C6: variants seen among roughly 807,000 people sequenced by gnomAD.
C6 encodes the protein complement C6.
In C6, 101 loss-of-function variants were observed where a neutral mutation model predicts 112.9. The ratio of observed to expected loss-of-function variants is 0.89; its 90% CI spans 0.76 to 1.06. C6 has a LOEUF of 1.06. C6 is among the 50% of genes least tolerant of loss of function. The pLI is 0.00. For synonymous variants in C6, 431 were observed against 384.1 expected, an observed-to-expected ratio of 1.12 and a Z score of -1.43; for missense variants, 1,202 against 1,104.6, an observed-to-expected ratio of 1.09 and a Z score of -1.25.
intron 6 of C6, among the ~76,000 whole-genome samples, chr5:41,184,006 C>T (rs1360602927): frequency 1.3e-5 from 2 of 151,838 alleles, no homozygotes; most frequent in Admixed American, 6.6e-5. Context: ...GGGCAAGAGT[C>T]GAAAAACTGT....
chr5:41,161,944 AGAAGG>A (rs1021829592), intron 9 of C6, 85 bp from the exon 10 acceptor site: 67 of 1,318,358 alleles, frequency 5.1e-5, no homozygotes, highest in Non-Finnish European at 6.8e-5. Context: ...CTATTTGTAC[AGAAGG>A]GAGAAGTAGA....
Position 41,159,022 on chromosome 5 carries a change from T to C in C6, c.1856+60A>G, listed in dbSNP as rs1747205773. On this transcript the variant is annotated intron_variant, in intron 12 of 17. Coordinates refer to ENST00000337836, the MANE Select transcript of C6 (RefSeq NM_000065.5). Reference sequence around the variant, plus strand: ...GCAGTAGACTAATAACCATTTGAACTCTCAATGTTATTGAGAGTTAGGGCA... The same window carrying C: ...GCAGTAGACTAATAACCATTTGAACCCTCAATGTTATTGAGAGTTAGGGCA... The C allele has an allele frequency of 4.5e-6, 7 of 1,560,302 alleles. No homozygotes were observed. The East Asian group carries it at 1.1e-4, about 25-fold the overall frequency.
chr5:41,228,957 C>T lies in C6; in HGVS notation c.-20-25707G>A, dbSNP rs76118377. Among the ~76,000 whole-genome samples the T allele has an allele frequency of 1.6e-3, 238 of 152,156 alleles. 14 individuals are homozygous for T. In the East Asian group the frequency reaches 0.044, roughly 28 times the overall value. On this transcript the variant is annotated intron_variant, in intron 1 of 17. Coordinates refer to the C6 transcript ENST00000263413. ...GTCTTTGTCTGATTTTGCACTTAGG[C>T]TAATGCTTACATTGTAGAATGAGTC...
chr5:41,231,644 T>G (rs1040045596), intron 1 of C6, among the ~76,000 whole-genome samples: 3 of 152,142 alleles, frequency 2.0e-5, no homozygotes, highest in Non-Finnish European at 2.9e-5. Context: ...TCTGATCCTC[T>G]GGTAAAATTC....
intron 1 of C6, among the ~76,000 whole-genome samples, chr5:41,221,181 T>A (rs1739145145): frequency 6.6e-6 from 1 of 152,134 alleles, no homozygotes; most frequent in African/African-American, 2.4e-5. Context: ...TTCATCTCCA[T>A]ATTTCATAGT....
At chr5:41,190,986 G>T (rs1750150272) in intron 5 of C6, among the ~76,000 whole-genome samples, 1 of 150,678 alleles carries the variant, frequency 6.6e-6, no homozygotes, top group African/African-American at 2.4e-5. Flanking sequence ...CCAATAGTGT[G>T]CTGCTTGGGT....
At chr5:41,159,327 G>T (rs1485099711) in intron 11 of C6, 74 bp from the exon 12 acceptor site, 49 of 1,550,260 alleles carry the variant, frequency 3.2e-5, no homozygotes, top group Non-Finnish European at 4.0e-5. Context: ...GGCCAACCTG[G>T]TTTCCTCACT....
chr5:41,144,017 A>G (rs984369481), intron 17 of C6, among the ~76,000 whole-genome samples: 2 of 152,222 alleles, frequency 1.3e-5, no homozygotes, highest in African/African-American at 4.8e-5. Context: ...AAAGTCTTCC[A>G]CTGTTTGGCC....
intron 17 of C6, among the ~76,000 whole-genome samples, chr5:41,143,295 G>A (rs538595146): frequency 9.2e-5 from 14 of 152,234 alleles, no homozygotes; most frequent in African/African-American, 2.9e-4. Flanking sequence ...AGCTTAAAGA[G>A]TTGGCCTATT....
Position 41,203,207 on chromosome 5 carries a change from G to T in C6, c.24C>A (p.Tyr8Ter), listed in dbSNP as rs1248287414. The change falls in exon 2 of 18, where the codon TAC (tyrosine) becomes TAA (stop). Residue 8 changes from tyrosine (Y) to a stop codon, truncating the protein, a stop_gained. Transcript: ENST00000337836. LOFTEE classifies it high-confidence loss of function. Reference protein sequence around the residue: MARRSVLYFILLNALINK... With the variant: MARRSVL ...TGATCAGAGCATTCAGCAGGATGAA[G>T]TACAAGACAGAGCGTCTGGCCATGC... The T allele has an allele frequency of 6.2e-7, 1 of 1,614,020 alleles. No individual in the cohort carries two copies. The highest frequency in any genetic ancestry group is 8.5e-7 in the Non-Finnish European group (1 of 1,179,986).
intron 1 of C6, among the ~76,000 whole-genome samples, chr5:41,245,657 T>G (rs1740979182): frequency 6.6e-6 from 1 of 152,240 alleles, no homozygotes; most frequent in South Asian, 2.1e-4. Context: ...TTGAGTTCTA[T>G]CAAATGCTTT....
intron 9 of C6, 58 bp downstream of exon 9, chr5:41,172,167 T>C (rs1748472784): frequency 4.4e-6 from 7 of 1,584,410 alleles, no homozygotes; most frequent in Non-Finnish European, 6.1e-6. Flanking sequence ...ATATGGTCTG[T>C]AAATGACAGC....
chr5:41,148,158 G>T (rs1320564775), intron 17 of C6, among the ~76,000 whole-genome samples: 1 of 152,060 alleles, frequency 6.6e-6, no homozygotes, highest in South Asian at 2.1e-4. Context: ...ATAGATTTAG[G>T]TATGATGGCA....
At chr5:41,188,284 C>A (rs1749939164) in intron 5 of C6, among the ~76,000 whole-genome samples, 1 of 151,886 alleles carries the variant, frequency 6.6e-6, no homozygotes, top group South Asian at 2.1e-4. Context: ...CAAGACAATT[C>A]TAAAATTCAA....
intron 1 of C6, among the ~76,000 whole-genome samples, chr5:41,254,732 A>T (rs1422108587): frequency 6.6e-6 from 1 of 152,252 alleles, no homozygotes; most frequent in African/African-American, 2.4e-5. Context: ...ATAGACTTTA[A>T]TCAAATTGAC....
Position 41,162,832 on chromosome 5 carries a change from A to G in C6, c.1292-973T>C, listed in dbSNP as rs567677816. On this transcript the variant is annotated intron_variant, in intron 9 of 17. Transcript: ENST00000337836. Reference sequence around the variant, plus strand: ...CAAGTGCATAACACAACACAGGTATAAGGCGTAACAAAACAAAGGTATACA... The same window carrying G: ...CAAGTGCATAACACAACACAGGTATGAGGCGTAACAAAACAAAGGTATACA... Among the ~76,000 whole-genome samples, 10 of 152,312 alleles carry G rather than the reference A, an allele frequency of 6.6e-5. No homozygotes were observed. The South Asian group carries it at 2.1e-3, about 32-fold the overall frequency.
At chr5:41,248,722 T>G (rs1580255822) in intron 1 of C6, among the ~76,000 whole-genome samples, 1 of 152,206 alleles carries the variant, frequency 6.6e-6, no homozygotes, top group South Asian at 2.1e-4. Flanking sequence ...ACGCTGCTGG[T>G]GGGAATGTAA....
intron 1 of C6, among the ~76,000 whole-genome samples, chr5:41,247,587 G>A (rs966402578): frequency 5.7e-4 from 87 of 151,690 alleles, no homozygotes; most frequent in African/African-American, 1.9e-3. Flanking sequence ...GCATTGTGGC[G>A]GGCGCCTGTA....
At chr5:41,202,797 T>C (rs570549704) in intron 2 of C6, among the ~76,000 whole-genome samples, 47 of 151,868 alleles carry the variant, frequency 3.1e-4, no homozygotes, top group African/African-American at 1.1e-3. Context: ...CAAAGTTGTA[T>C]GCTGATTGAA....
Sources: allele counts gnomAD v4.1 joint callset (sites outside exome capture counted in the v4.1 genomes callset), GRCh38; gene constraint gnomAD v4.1.1; transcripts MANE v1.5; gene names NCBI Gene and HGNC (gene_info 2026-07-23, HGNC 2026-07-21).